Variants in FAM135B observed in about 807,000 individuals in gnomAD.
FAM135B encodes protein FAM135B.
A neutral mutation model predicts 127.7 loss-of-function variants in FAM135B; 43 were observed. That is an observed-to-expected ratio of 0.34 (90% CI 0.26 to 0.43). The LOEUF is 0.43. Ranked by LOEUF, FAM135B falls within the 20% of genes least tolerant of loss-of-function variation. The pLI, the probability that FAM135B is intolerant of heterozygous loss-of-function variation, is 1.00. For missense variants in FAM135B, 1,558 were observed against 1,725.6 expected (o/e 0.90, Z 1.72); for synonymous variants, 670 against 665.1 (o/e 1.01, Z -0.11).
intron 7 of FAM135B, among the ~76,000 whole-genome samples, chr8:138,240,736 G>A (rs1183305834): frequency 6.6e-6 from 1 of 152,132 alleles, no homozygotes; most frequent in Non-Finnish European, 1.5e-5. Flanking sequence ...ATTAGTGGTG[G>A]CACCTGACAA....
At chr8:138,352,361 G>A (rs1829835547) in intron 2 of FAM135B, among the ~76,000 whole-genome samples, 1 of 152,088 alleles carries the variant, frequency 6.6e-6, no homozygotes, top group South Asian at 2.1e-4. Context: ...AAAATATCAG[G>A]TGTACCCCAT....
chr8:138,226,031 C>T (rs1819399697), intron 7 of FAM135B, among the ~76,000 whole-genome samples: 1 of 151,942 alleles, frequency 6.6e-6, no homozygotes, highest in South Asian at 2.1e-4. Context: ...AGTATTAGAG[C>T]CCAGTTTTAG....
chr8:138,285,860 T>C (rs1824644404), intron 3 of FAM135B, among the ~76,000 whole-genome samples: 2 of 152,214 alleles, frequency 1.3e-5, no homozygotes, highest in South Asian at 4.1e-4. Flanking sequence ...GTTCCTAAAA[T>C]GGAGTGTGGA....
intron 1 of FAM135B, among the ~76,000 whole-genome samples, chr8:138,454,300 AAC>A (rs1250333328): frequency 6.6e-6 from 1 of 152,170 alleles, no homozygotes; most frequent in Non-Finnish European, 1.5e-5. Context: ...GGATGACTGG[AAC>A]ACAGCCATGT....
chr8:138,432,395 C>T (rs1262239384), intron 1 of FAM135B, among the ~76,000 whole-genome samples: 4 of 152,022 alleles, frequency 2.6e-5, no homozygotes, highest in Non-Finnish European at 5.9e-5. Context: ...CCAAAGCTTG[C>T]ATGGTCTCCA....
intron 7 of FAM135B, among the ~76,000 whole-genome samples, chr8:138,223,773 C>A (rs548450384): frequency 4.0e-4 from 61 of 152,278 alleles, no homozygotes; most frequent in African/African-American, 1.4e-3. Flanking sequence ...AGAGCAAAGA[C>A]ACGGAATCAA....
intron 7 of FAM135B, among the ~76,000 whole-genome samples, chr8:138,199,449 G>A (rs1816931535): frequency 6.6e-6 from 1 of 152,202 alleles, no homozygotes; most frequent in South Asian, 2.1e-4. Context: ...GCATTGTCCT[G>A]CAGGTACAAC....
intron 1 of FAM135B, among the ~76,000 whole-genome samples, chr8:138,393,590 C>T (rs549237913): frequency 6.6e-6 from 1 of 152,216 alleles, no homozygotes; most frequent in South Asian, 2.1e-4. Flanking sequence ...ACAGAAAAGC[C>T]CTTTTTGCCT....
rs979920181 is a variant in FAM135B, at chr8:138,310,441, T to C, written c.157+400A>G. ...CACTGCTCTTGGACCCCTCAAGGTGTATGAAAAGTGCCACCGACACCGCCT... is the reference window on the plus strand; with the variant it reads ...CACTGCTCTTGGACCCCTCAAGGTGCATGAAAAGTGCCACCGACACCGCCT... On this transcript the variant is annotated intron_variant, in intron 3 of 19. Transcript: ENST00000395297. Among the ~76,000 whole-genome samples the C allele has an allele frequency of 3.3e-5, 5 of 152,258 alleles. No homozygotes were observed. In the South Asian group the frequency reaches 1.0e-3, roughly 32 times the overall value.
intron 12 of FAM135B, among the ~76,000 whole-genome samples, chr8:138,162,026 G>T (rs1345160847): frequency 6.6e-6 from 1 of 152,078 alleles, no homozygotes; most frequent in Non-Finnish European, 1.5e-5. Flanking sequence ...GTTTGCATTG[G>T]TTTGAAAAAA....
At chr8:138,488,590 GA>G (rs141203493) in intron 1 of FAM135B, among the ~76,000 whole-genome samples, 1 of 152,124 alleles carries the variant, frequency 6.6e-6, no homozygotes, top group Non-Finnish European at 1.5e-5. Context: ...GACACAAAAG[GA>G]AAAATCCCTA....
intron 1 of FAM135B, among the ~76,000 whole-genome samples, chr8:138,398,426 C>A (rs1832964599): frequency 6.6e-6 from 1 of 152,208 alleles, no homozygotes; most frequent in Non-Finnish European, 1.5e-5. Flanking sequence ...AACCTTATTA[C>A]CTTCCTTTCC....
At chr8:138,369,764 T>C (rs1830998477) in intron 1 of FAM135B, among the ~76,000 whole-genome samples, 1 of 152,172 alleles carries the variant, frequency 6.6e-6, no homozygotes, top group Non-Finnish European at 1.5e-5. Context: ...AGCCACCCTG[T>C]GCTTCCCTTC....
intron 1 of FAM135B, among the ~76,000 whole-genome samples, chr8:138,443,685 G>A (rs1022058041): frequency 1.3e-5 from 2 of 152,122 alleles, no homozygotes; most frequent in African/African-American, 4.8e-5. Context: ...AGGGTGTATG[G>A]AACCCTCCTG....
intron 17 of FAM135B, among the ~76,000 whole-genome samples, chr8:138,139,785 C>T (rs1348576404): frequency 6.6e-6 from 1 of 152,128 alleles, no homozygotes; most frequent in Non-Finnish European, 1.5e-5. Context: ...ACAACAACAA[C>T]AAAAATCTCA....
At chr8:138,355,372 T>G (rs147484175) in intron 2 of FAM135B, among the ~76,000 whole-genome samples, 1 of 152,132 alleles carries the variant, frequency 6.6e-6, no homozygotes, top group East Asian at 1.9e-4. Context: ...ATATACACCA[T>G]GGAATACTAT....
At chr8:138,423,470 C>T (rs1052217782) in intron 1 of FAM135B, among the ~76,000 whole-genome samples, 2 of 152,080 alleles carry the variant, frequency 1.3e-5, no homozygotes, top group African/African-American at 4.8e-5. Flanking sequence ...GGAGACATCA[C>T]ATGTCGGTAG....
intron 3 of FAM135B, among the ~76,000 whole-genome samples, chr8:138,305,849 CAT>C (rs1253295268): frequency 3.9e-5 from 6 of 151,948 alleles, no homozygotes; most frequent in African/African-American, 1.5e-4. Context: ...CATATATATA[CAT>C]GTATATATTT....
chr8:138,181,874 T>C (rs1308666635), intron 9 of FAM135B, among the ~76,000 whole-genome samples: 1 of 152,128 alleles, frequency 6.6e-6, no homozygotes, highest in Non-Finnish European at 1.5e-5. Flanking sequence ...TCCACCCACA[T>C]GTTGCTGGCT....
Sources: gnomAD v4.1 joint callset for allele counts (sites outside exome capture counted in the v4.1 genomes callset) on GRCh38, gnomAD v4.1.1 for gene constraint, MANE v1.5 for transcripts, NCBI Gene and HGNC (gene_info 2026-07-23, HGNC 2026-07-21) for gene names.